SLC15A5: variants seen among roughly 807,000 people sequenced by gnomAD.
SLC15A5 encodes the protein solute carrier family 15 member 5.
SLC15A5 carries 58 observed loss-of-function variants against 56.1 expected under a neutral mutation model. The observed-to-expected ratio is 1.03, with a 90% CI of 0.84 to 1.29. The LOEUF is 1.29. Ranked by LOEUF, SLC15A5 falls within the 50% of genes most tolerant of loss-of-function variation. The pLI is 0.00. For synonymous variants in SLC15A5, 264 were observed against 250.5 expected, an observed-to-expected ratio of 1.05 and a Z score of -0.51; for missense variants, 681 against 672.1, an observed-to-expected ratio of 1.01 and a Z score of -0.15.
chr12:16,263,528 G>A (rs533098638), intron 2 of SLC15A5, among the ~76,000 whole-genome samples: 22 of 152,280 alleles, frequency 1.4e-4, no homozygotes, highest in Non-Finnish European at 2.8e-4. Flanking sequence ...CAAGCCCGCT[G>A]CAGAAATTTG....
chr12:16,242,519 A>G (rs1278095601), intron 4 of SLC15A5, among the ~76,000 whole-genome samples: 1 of 152,200 alleles, frequency 6.6e-6, no homozygotes, highest in African/African-American at 2.4e-5. Flanking sequence ...TTAGGAGAGT[A>G]ATAGCCATGT....
chr12:16,262,780 C>T (rs1052348277), intron 2 of SLC15A5, among the ~76,000 whole-genome samples: 2 of 152,044 alleles, frequency 1.3e-5, no homozygotes, highest in Non-Finnish European at 2.9e-5. Flanking sequence ...CTCGTGATAG[C>T]GAATGGGTCT....
At chr12:16,248,268 C>A (rs1476610674) in intron 3 of SLC15A5, among the ~76,000 whole-genome samples, 3 of 151,852 alleles carry the variant, frequency 2.0e-5, no homozygotes, top group Admixed American at 2.0e-4. Flanking sequence ...GGAGAGAGGT[C>A]AATATAACAT....
intron 2 of SLC15A5, among the ~76,000 whole-genome samples, chr12:16,262,168 G>A (rs1864648766): frequency 6.6e-6 from 1 of 152,218 alleles, no homozygotes; most frequent in Non-Finnish European, 1.5e-5. Flanking sequence ...AGAGCCATGA[G>A]CAGAAGCCAT....
chr12:16,248,385 A>C (rs775837329), intron 3 of SLC15A5, among the ~76,000 whole-genome samples: 1 of 152,094 alleles, frequency 6.6e-6, no homozygotes, highest in African/African-American at 2.4e-5. Context: ...CTAGGGCTGC[A>C]CATCCGTTAG....
At chr12:16,230,162 T>C (rs1455509861) in intron 5 of SLC15A5, among the ~76,000 whole-genome samples, 1 of 152,154 alleles carries the variant, frequency 6.6e-6, no homozygotes, top group Non-Finnish European at 1.5e-5. Context: ...AAAAGAAATG[T>C]ATAGAATGTT....
At chr12:16,228,839 GATT>G in intron 5 of SLC15A5, among the ~76,000 whole-genome samples, 1 of 42,074 alleles carries the variant, frequency 2.4e-5, no homozygotes, top group South Asian at 2.6e-3. Flanking sequence ...AATGTATATT[GATT>G]GTTTATGTTA....
Position 16,189,278 on chromosome 12 carries a change from T to C in SLC15A5, c.*390A>G, listed in dbSNP as rs3852572. The C allele has an allele frequency of 0.48, 73,915 of 153,498 alleles. 18,297 individuals are homozygous for C. The highest frequency in any genetic ancestry group is 0.72 in the South Asian group (3,483 of 4,858). 9.5% of individuals were successfully genotyped at this position (153,498 alleles called of 1,614,324 possible). A position where few individuals can be genotyped will look rare whatever the true frequency, so the allele number is the denominator to read the frequency against. ...GTGTAATAAGGGATCACTAAGTGTA[T>C]TGAAAGAGAGTATATTAAAATACTG... is the stretch of plus-strand genomic sequence containing the variant. On this transcript the variant is annotated 3_prime_UTR_variant, in exon 9 of 9. Coordinates refer to ENST00000344941, the MANE Select transcript of SLC15A5 (RefSeq NM_001170798.1).
rs1864758447 is a variant in SLC15A5, at chr12:16,271,623, A to G, written c.584+938T>C. ...AAAGAGAAAAGAGGAACTGCCTCGG[A>G]TAGCTACATATGCCTATACATACAC... On this transcript the variant is annotated intron_variant, in intron 2 of 8. Transcript: ENST00000344941. The surrounding 1 kb of genome is among the most constrained non-coding windows in gnomAD (Gnocchi z 8.0). 6.6e-6 allele frequency among the ~76,000 whole-genome samples: 1 copy of G among 152,052 alleles called. No individual in the cohort carries two copies. Among genetic ancestry groups the G allele is most frequent in the Non-Finnish European group, 1.5e-5 (1 of 68,006 alleles).
chr12:16,259,647 T>C (rs949741167), intron 2 of SLC15A5, among the ~76,000 whole-genome samples: 1 of 152,234 alleles, frequency 6.6e-6, no homozygotes, highest in Non-Finnish European at 1.5e-5. Context: ...GATCATAGTA[T>C]AATTTTGCAT....
chr12:16,233,268 T>G (rs976140016), intron 5 of SLC15A5, among the ~76,000 whole-genome samples: 44 of 152,328 alleles, frequency 2.9e-4, no homozygotes, highest in African/African-American at 1.0e-3. Context: ...TCACTATTTT[T>G]TTTCTCTGTA....
In SLC15A5 at chr12:16,257,858, G is replaced by A. The variant is rs1341699155; in HGVS notation, c.597C>T (p.Leu199=). Residue 199 remains leucine (L), a synonymous_variant, in exon 3 of 9, where the codon CTC becomes CTT. Transcript: ENST00000344941. ...TMSFFNWFYW[L]MNLNATIVFL... ...ACACAATAGTTGCATTTAGGTTCAT[G>A]AGCCAATAAAACCTGGGGTATACAG... 6.7e-7 allele frequency: 1 copy of A among 1,493,746 alleles called. No individual in the cohort carries two copies. Among genetic ancestry groups the A allele is most frequent in the South Asian group, 1.3e-5 (1 of 75,068 alleles). 92.5% of individuals were successfully genotyped at this position (1,493,746 alleles called of 1,614,324 possible). A position where few individuals can be genotyped will look rare whatever the true frequency, so the allele number is the denominator to read the frequency against.
rs903678856 is a variant in SLC15A5, at chr12:16,189,352, G to T, written c.*316C>A. On this transcript the variant is annotated 3_prime_UTR_variant, in exon 9 of 9. Transcript: ENST00000344941. Reference sequence around the variant, plus strand: ...TAAAACTCCAAAAAAAAGGTCATACGCTTTCAATGGCTGAACCATTGTAGA... The same window carrying T: ...TAAAACTCCAAAAAAAAGGTCATACTCTTTCAATGGCTGAACCATTGTAGA... 2.3e-5 allele frequency: 4 copies of T among 175,890 alleles called. No individual in the cohort carries two copies. The South Asian group carries it at 7.8e-4, about 34-fold the overall frequency. 10.9% of individuals were successfully genotyped at this position (175,890 alleles called of 1,614,324 possible).
chr12:16,257,359 G>C (rs1864587032), intron 3 of SLC15A5, among the ~76,000 whole-genome samples: 1 of 152,136 alleles, frequency 6.6e-6, no homozygotes. Context: ...AGCTACCTAG[G>C]TGAGGTTCAT....
intron 7 of SLC15A5, among the ~76,000 whole-genome samples, chr12:16,206,285 T>C (rs942662148): frequency 1.3e-5 from 2 of 152,222 alleles, no homozygotes; most frequent in Non-Finnish European, 2.9e-5. Flanking sequence ...CAAAGAATTG[T>C]TGTGAAGATG....
intron 7 of SLC15A5, among the ~76,000 whole-genome samples, chr12:16,207,351 G>C (rs1864030206): frequency 1.3e-5 from 2 of 152,110 alleles, no homozygotes; most frequent in Admixed American, 1.3e-4. Flanking sequence ...TTCTTCATTT[G>C]CAACTCTACT....
At chr12:16,194,251 G>T in intron 8 of SLC15A5, 94 bp downstream of exon 8, 2 of 708,278 alleles carry the variant, frequency 2.8e-6, no homozygotes, top group Non-Finnish European at 4.5e-6. Flanking sequence ...AATTTGTCCA[G>T]TCATGGTGTA....
intron 1 of SLC15A5, 37 bp downstream of exon 1, chr12:16,277,288 A>G (rs1001559856): frequency 7.0e-7 from 1 of 1,435,278 alleles, no homozygotes; most frequent in Non-Finnish European, 9.1e-7. Flanking sequence ...CTACTTAATT[A>G]AGTCACAAAA....
At chr12:16,211,408 A>G (rs1864079297) in intron 7 of SLC15A5, among the ~76,000 whole-genome samples, 2 of 152,182 alleles carry the variant, frequency 1.3e-5, no homozygotes, top group Non-Finnish European at 2.9e-5. Context: ...AAACAGCTAC[A>G]TTCTTTGCCC....
Sources: gnomAD v4.1 joint callset for allele counts (sites outside exome capture counted in the v4.1 genomes callset) on GRCh38, gnomAD v4.1.1 for gene constraint, Gnocchi (gnomAD v3.1) non-coding constraint, MANE v1.5 for transcripts, NCBI Gene and HGNC (gene_info 2026-07-23, HGNC 2026-07-21) for gene names.